The following PTPRQ variants were observed in gnomAD, a reference collection of about 807,000 sequenced individuals.
PTPRQ encodes the protein protein tyrosine phosphatase receptor type Q, also known as phosphatidylinositol phosphatase PTPRQ.
In PTPRQ, 199 loss-of-function variants were observed where a neutral mutation model predicts 246.0. The observed-to-expected ratio is 0.81, with a 90% CI of 0.72 to 0.91. PTPRQ has a LOEUF of 0.91. Among genes scored for constraint, PTPRQ ranks in the 40% least tolerant of loss-of-function variants. The pLI is 0.00. For missense variants in PTPRQ, 2,624 were observed against 2,528.4 expected, an observed-to-expected ratio of 1.04 and a Z score of -0.81; for synonymous variants, 869 against 853.2, an observed-to-expected ratio of 1.02 and a Z score of -0.32.
Position 80,497,086 on chromosome 12 carries a change from C to T in PTPRQ, c.2272+555C>T, listed in dbSNP as rs140948955. The stretch of plus-strand genomic sequence containing the variant: ...TCATGGAAGACAATTTTTCCCCTCC[C>T]TCCGGACTAGGGAGGGGAGTGAGGT... On this transcript the variant is annotated intron_variant, in intron 14 of 44. Transcript: ENST00000644991. Among the ~76,000 whole-genome samples, 1,009 of 152,050 alleles carry T rather than the reference C, an allele frequency of 6.6e-3. 8 individuals are homozygous for T. Among genetic ancestry groups the T allele is most frequent in the Middle Eastern group, 0.02 (6 of 294 alleles).
intron 25 of PTPRQ, among the ~76,000 whole-genome samples, chr12:80,566,809 C>T (rs771373102): frequency 3.3e-5 from 5 of 152,058 alleles, no homozygotes; most frequent in African/African-American, 4.8e-5. Flanking sequence ...CAAAATGCTG[C>T]GATTACAGGC....
At chr12:80,575,474 T>C (rs930186508) in intron 25 of PTPRQ, among the ~76,000 whole-genome samples, 19 of 151,784 alleles carry the variant, frequency 1.3e-4, no homozygotes, top group African/African-American at 4.6e-4. Context: ...TTCCACCTAC[T>C]CAGGAGGCTG....
chr12:80,625,726 A>T (rs10862174), intron 33 of PTPRQ, among the ~76,000 whole-genome samples: 27,936 of 152,120 alleles, frequency 0.18, 2,906 homozygotes, highest in Non-Finnish European at 0.24. Context: ...GCCTGTAGGG[A>T]TAAACAGGGA....
At chr12:80,535,131 C>T in intron 19 of PTPRQ, 94 bp downstream of exon 19, 3 of 1,225,544 alleles carry the variant, frequency 2.4e-6, no homozygotes, top group Non-Finnish European at 1.1e-6. Flanking sequence ...GTTTACCTTA[C>T]ATTGATAATT....
At chr12:80,542,915 A>T in intron 23 of PTPRQ, 34 bp downstream of exon 23, 5 of 1,275,058 alleles carry the variant, frequency 3.9e-6, no homozygotes, top group Non-Finnish European at 5.2e-6. Flanking sequence ...GTTTATTTTT[A>T]AAAATCAGAA....
At chr12:80,452,490 T>G (rs943701029) in intron 3 of PTPRQ, among the ~76,000 whole-genome samples, 1 of 152,182 alleles carries the variant, frequency 6.6e-6, no homozygotes, top group African/African-American at 2.4e-5. Context: ...GCATGATTTT[T>G]CAGTGGCTGG....
intron 17 of PTPRQ, among the ~76,000 whole-genome samples, chr12:80,529,135 G>A (rs890840466): frequency 2.6e-5 from 4 of 152,134 alleles, no homozygotes; most frequent in African/African-American, 9.7e-5. Flanking sequence ...CTAGCAAGTT[G>A]TATAGAGTAA....
chr12:80,456,517 T>A (rs930912513), intron 3 of PTPRQ, among the ~76,000 whole-genome samples: 3 of 152,160 alleles, frequency 2.0e-5, no homozygotes, highest in Non-Finnish European at 4.4e-5. Context: ...TAATTAAAAA[T>A]TTTTAATGTG....
intron 27 of PTPRQ, among the ~76,000 whole-genome samples, chr12:80,608,084 C>G (rs1313148650): frequency 1.3e-5 from 2 of 150,434 alleles, no homozygotes; most frequent in Non-Finnish European, 3.0e-5. Context: ...TAAATATATT[C>G]TAGGACTTGA....
chr12:80,577,624 A>G (rs899292869), intron 25 of PTPRQ, among the ~76,000 whole-genome samples: 1 of 152,062 alleles, frequency 6.6e-6, no homozygotes, highest in Non-Finnish European at 1.5e-5. Flanking sequence ...TTTTCTTTGG[A>G]AGTTTTATTG....
At chr12:80,541,136 G>A (rs1896138148) in intron 20 of PTPRQ, among the ~76,000 whole-genome samples, 1 of 151,956 alleles carries the variant, frequency 6.6e-6, no homozygotes, top group African/African-American at 2.4e-5. Flanking sequence ...TAACTTAATG[G>A]CTGAGCTTTA....
chr12:80,526,487 A>G (rs1475678450), intron 17 of PTPRQ, among the ~76,000 whole-genome samples: 1 of 152,152 alleles, frequency 6.6e-6, no homozygotes, highest in Non-Finnish European at 1.5e-5. Context: ...GATTTCACAG[A>G]CAATTAAGAT....
intron 37 of PTPRQ, 41 bp from the exon 38 acceptor site, chr12:80,652,703 C>G (rs1900294788): frequency 6.9e-7 from 1 of 1,459,446 alleles, no homozygotes; most frequent in Admixed American, 3.1e-5. Flanking sequence ...TTCTTGTTTA[C>G]CTCTGATAAA....
chr12:80,480,020 G>A (rs61950947), intron 8 of PTPRQ, among the ~76,000 whole-genome samples: 6 of 152,044 alleles, frequency 3.9e-5, no homozygotes, highest in Admixed American at 3.3e-4. Context: ...GCACCAAGTG[G>A]ACCTAATAGA....
At chr12:80,458,793 A>C (rs2120467841) in intron 4 of PTPRQ, among the ~76,000 whole-genome samples, 1 of 152,208 alleles carries the variant, frequency 6.6e-6, no homozygotes, top group South Asian at 2.1e-4. Flanking sequence ...GAAATTCTGA[A>C]GTAAGTTGAT....
At chr12:80,513,010 C>A (rs1456085422) in intron 17 of PTPRQ, among the ~76,000 whole-genome samples, 1 of 152,044 alleles carries the variant, frequency 6.6e-6, no homozygotes, top group Non-Finnish European at 1.5e-5. Context: ...GGGCTCCGAC[C>A]CCATGGCAGG....
At chr12:80,491,223 C>T (rs778801474) in intron 9 of PTPRQ, among the ~76,000 whole-genome samples, 12 of 151,844 alleles carry the variant, frequency 7.9e-5, no homozygotes, top group Non-Finnish European at 1.3e-4. Flanking sequence ...TAATGCAAAA[C>T]CATAGTTGAG....
intron 33 of PTPRQ, among the ~76,000 whole-genome samples, chr12:80,622,450 G>A (rs555082074): frequency 1.3e-5 from 2 of 152,082 alleles, no homozygotes; most frequent in South Asian, 4.1e-4. Context: ...TGCCATAACA[G>A]GATGGTAGTG....
intron 9 of PTPRQ, among the ~76,000 whole-genome samples, chr12:80,491,595 T>G (rs1385786153): frequency 6.6e-6 from 1 of 151,984 alleles, no homozygotes; most frequent in Non-Finnish European, 1.5e-5. Context: ...TGGGTAGAGT[T>G]GTAACAAGAT....
Sources: gnomAD v4.1 joint callset for allele counts (sites outside exome capture counted in the v4.1 genomes callset) on GRCh38, gnomAD v4.1.1 for gene constraint, MANE v1.5 for transcripts, NCBI Gene and HGNC (gene_info 2026-07-23, HGNC 2026-07-21) for gene names.